CTIF: variants seen among roughly 807,000 people sequenced by gnomAD.
CTIF encodes cap binding complex dependent translation initiation factor, also known as CBP80/20-dependent translation initiation factor.
Under a neutral mutation model 66.0 loss-of-function variants are expected in CTIF, and 21 were observed. The observed-to-expected ratio is 0.32, with a 90% CI of 0.23 to 0.46. The LOEUF (loss-of-function observed/expected upper bound fraction) is 0.46. Among genes scored for constraint, CTIF ranks in the 20% least tolerant of loss-of-function variants. CTIF has a pLI of 1.00. For synonymous variants in CTIF, 345 were observed against 326.4 expected (o/e 1.06, Z -0.62); for missense variants, 739 against 812.7 (o/e 0.91, Z 1.10).
intron 9 of CTIF, among the ~76,000 whole-genome samples, chr18:48,791,396 A>T (rs1412497810): frequency 6.6e-6 from 1 of 152,330 alleles, no homozygotes; most frequent in East Asian, 1.9e-4. Flanking sequence ...CTTTAAGAGA[A>T]AGGCAGGCTC....
At chr18:48,790,035 G>C (rs1471000028) in intron 9 of CTIF, among the ~76,000 whole-genome samples, 1 of 152,198 alleles carries the variant, frequency 6.6e-6, no homozygotes, top group Non-Finnish European at 1.5e-5. Context: ...TTGCCATGGG[G>C]CCATTGTGAA....
intron 7 of CTIF, among the ~76,000 whole-genome samples, chr18:48,735,879 G>A (rs1458956828): frequency 3.3e-5 from 5 of 152,282 alleles, no homozygotes; most frequent in South Asian, 2.1e-4. Context: ...TAAACACTCC[G>A]TAAATGTTTG....
chr18:48,851,799 CTCTG>C (rs1022186333), intron 10 of CTIF, among the ~76,000 whole-genome samples: 3 of 152,226 alleles, frequency 2.0e-5, no homozygotes, highest in Non-Finnish European at 4.4e-5. Context: ...CCACCACCCA[CTCTG>C]TCTGGAGTTT....
In CTIF at chr18:48,761,466, G is replaced by C. The variant is rs761006728; in HGVS notation, c.1148G>C (p.Arg383Pro). 2 of 1,614,154 alleles carry C rather than the reference G, an allele frequency of 1.2e-6. No individual in the cohort carries two copies. Among genetic ancestry groups the C allele is most frequent in the South Asian group, 2.2e-5 (2 of 91,082 alleles). ...DKLIEILNSM[R>P]NNSSDVDTKL... ...CTGATCGAGATCCTGAACAGCATGC[G>C]GAACAACAGCAGCGACGTGGACACC... The change falls in exon 9 of 12, where the codon CGG (arginine) becomes CCG (proline). Residue 383 changes from arginine (R) to proline (P), a missense_variant. Arg to Pro is a moderately radical substitution (Grantham distance 103). Around this residue, in one of 2 missense-constraint regions of CTIF, gnomAD observed 529 missense variants for 520.3 expected, o/e 1.02. Transcript: ENST00000256413. This position sits in a 1 kb window ranked among gnomAD's most constrained non-coding sequence, Gnocchi z 4.2.
At chr18:48,685,973 C>T (rs8088693) in intron 6 of CTIF, among the ~76,000 whole-genome samples, 15,153 of 152,182 alleles carry the variant, frequency 0.1, 1,973 homozygotes, top group African/African-American at 0.3. Flanking sequence ...CACTGTGCCC[C>T]GGCCCCAAGT....
chr18:48,643,101 T>G (rs1221634325), intron 3 of CTIF, among the ~76,000 whole-genome samples: 2 of 152,204 alleles, frequency 1.3e-5, no homozygotes, highest in African/African-American at 4.8e-5. Context: ...GGCTGAACTT[T>G]TCTTTCCCTC....
chr18:48,619,752 G>T lies in CTIF; in HGVS notation c.180+7G>T, dbSNP rs138899384. ...CCAGTCCCACATCTCCCAGGTGAGC[G>T]CGGGCCCGGGGTTGGGGCAGCTTGG... On this transcript the variant is annotated splice_region_variant and intron_variant, in intron 2 of 11. Transcript: ENST00000256413. 3.3e-5 allele frequency: 52 copies of T among 1,560,666 alleles called. No individual in the cohort carries two copies. The Admixed American group carries it at 4.0e-4, about 12-fold the overall frequency.
chr18:48,854,245 G>GC (rs1027659126), intron 10 of CTIF, among the ~76,000 whole-genome samples: 3 of 152,252 alleles, frequency 2.0e-5, no homozygotes, highest in African/African-American at 7.2e-5. Flanking sequence ...AGCAGGGAGG[G>GC]CAGGGACTGG....
intron 1 of CTIF, among the ~76,000 whole-genome samples, chr18:48,597,430 G>T (rs575115681): frequency 2.0e-4 from 30 of 152,234 alleles, no homozygotes; most frequent in African/African-American, 7.2e-4. Flanking sequence ...TGGAGGTGGG[G>T]CCTGGTGGGA....
chr18:48,704,237 C>T (rs983958872), intron 6 of CTIF, among the ~76,000 whole-genome samples: 1 of 152,160 alleles, frequency 6.6e-6, no homozygotes, highest in Non-Finnish European at 1.5e-5. Flanking sequence ...ATGGAAGACA[C>T]AGGCTTCCTG....
intron 6 of CTIF, among the ~76,000 whole-genome samples, chr18:48,697,384 T>C (rs1418972733): frequency 1.3e-5 from 2 of 152,222 alleles, no homozygotes; most frequent in Non-Finnish European, 2.9e-5. Flanking sequence ...CAGTGTGCTG[T>C]GTGACCAGAT....
chr18:48,790,224 T>C (rs2067762110), intron 9 of CTIF, among the ~76,000 whole-genome samples: 1 of 152,250 alleles, frequency 6.6e-6, no homozygotes, highest in African/African-American at 2.4e-5. Flanking sequence ...TCTCAGGCTC[T>C]GTGAGTACAG....
Position 48,737,345 on chromosome 18 carries a change from G to A in CTIF, c.585-20574G>A, listed in dbSNP as rs142466706. ...TGGTGCTGCTCCCAGCATCTCACAA[G>A]ACCCCACTCTGTCACGAAGAAGCAG... On this transcript the variant is annotated intron_variant, in intron 7 of 11. Coordinates refer to ENST00000256413, the MANE Select transcript of CTIF (RefSeq NM_014772.3). Among the ~76,000 whole-genome samples the A allele has an allele frequency of 2.3e-3, 351 of 152,308 alleles. 2 individuals carry two copies. Among genetic ancestry groups the A allele is most frequent in the African/African-American group, 8.3e-3 (344 of 41,566 alleles).
chr18:48,761,757 C>T lies in CTIF; in HGVS notation c.1371+68C>T, dbSNP rs533170523. On this transcript the variant is annotated intron_variant, in intron 9 of 11. Transcript: ENST00000256413. This position sits in a 1 kb window ranked among gnomAD's most constrained non-coding sequence, Gnocchi z 4.2. ...TCTGCGTTCGGTGAGTTATTCCTAG[C>T]GAGAAGGCTGCGAGTTCTGGCCACA... 34 of 1,462,778 alleles carry T rather than the reference C, an allele frequency of 2.3e-5. 1 individual carries two copies. The highest frequency in any genetic ancestry group is 1.5e-4 in the Admixed American group (8 of 52,672). The allele number at this position is 1,462,778 out of a possible 1,614,324, so 90.6% of individuals were successfully genotyped here.
At chr18:48,556,238 CA>C (rs2089018031) in intron 1 of CTIF, among the ~76,000 whole-genome samples, 1 of 152,106 alleles carries the variant, frequency 6.6e-6, no homozygotes, top group Non-Finnish European at 1.5e-5. Flanking sequence ...GTCAGGATGC[CA>C]ATAGGTGGGG....
intron 7 of CTIF, among the ~76,000 whole-genome samples, chr18:48,733,124 T>C (rs2092470274): frequency 6.6e-6 from 1 of 152,154 alleles, no homozygotes; most frequent in African/African-American, 2.4e-5. Context: ...CTGTGGTCCC[T>C]TCCAAAGCGT....
intron 9 of CTIF, among the ~76,000 whole-genome samples, chr18:48,771,405 G>A (rs571944532): frequency 1.3e-5 from 2 of 152,274 alleles, no homozygotes; most frequent in East Asian, 3.9e-4. Flanking sequence ...GCAGGCATGG[G>A]AATAGCACAG....
At chr18:48,625,992 T>TTTTC (rs199561272) in intron 2 of CTIF, among the ~76,000 whole-genome samples, 44 of 143,244 alleles carry the variant, frequency 3.1e-4, no homozygotes, top group African/African-American at 9.5e-4. Flanking sequence ...TCTTATTTCT[T>TTTTC]TTTCTTTCTT....
intron 1 of CTIF, among the ~76,000 whole-genome samples, chr18:48,615,864 G>A (rs568953779): frequency 6.6e-6 from 1 of 152,370 alleles, no homozygotes; most frequent in Admixed American, 6.5e-5. Flanking sequence ...ATGGCCGAGA[G>A]GACGTGAGGA....
Sources: allele counts gnomAD v4.1 joint callset (sites outside exome capture counted in the v4.1 genomes callset), GRCh38; gene constraint gnomAD v4.1.1; regional missense constraint gnomAD v4.1.1; non-coding constraint Gnocchi (gnomAD v3.1); transcripts MANE v1.5; gene names NCBI Gene and HGNC (gene_info 2026-07-23, HGNC 2026-07-21).